CLEC17A: variants seen among roughly 807,000 people sequenced by gnomAD.
The protein encoded by CLEC17A is C-type lectin domain containing 17A.
Under a neutral mutation model 61.3 loss-of-function variants are expected in CLEC17A, and 37 were observed. The observed-to-expected ratio is 0.60, with a 90% confidence interval of 0.46 to 0.79. CLEC17A has a LOEUF of 0.79. CLEC17A is among the 30% of genes least tolerant of loss of function. The pLI, the probability that CLEC17A is intolerant of heterozygous loss-of-function variation, is 0.00. For missense variants in CLEC17A, 418 were observed against 464.7 expected (o/e 0.90, Z 0.92); for synonymous variants, 168 against 164.9 (o/e 1.02, Z -0.14).
upstream of CLEC17A, chr19:14,582,965 A>ATGTGTGTG (rs35999236): frequency 3.6e-6 from 2 of 551,990 alleles, no homozygotes; most frequent in South Asian, 2.1e-5. Context: ...CTCTGTGTGT[A>ATGTGTGTG]TGTGTGTGTG....
At chr19:14,585,231 G>A (rs1170402661) in intron 2 of CLEC17A, among the ~76,000 whole-genome samples, 2 of 152,240 alleles carry the variant, frequency 1.3e-5, no homozygotes, top group African/African-American at 2.4e-5. Flanking sequence ...CTGAAGTGGT[G>A]CAATCATAGC....
chr19:14,595,119 G>A (rs867863262), intron 7 of CLEC17A, among the ~76,000 whole-genome samples, 155 bp from the exon 8 acceptor site: 3 of 152,124 alleles, frequency 2.0e-5, no homozygotes, highest in Non-Finnish European at 2.9e-5. Context: ...TGATCCACCC[G>A]CCTCAGCCTC....
At chr19:14,608,981 G>T (rs561391526) in intron 13 of CLEC17A, among the ~76,000 whole-genome samples, 7 of 151,888 alleles carry the variant, frequency 4.6e-5, no homozygotes, top group African/African-American at 7.3e-5. Flanking sequence ...TGTAGTTTTA[G>T]TAGAGACGGG....
In CLEC17A at chr19:14,607,021, C is replaced by A; in HGVS notation, c.923C>A (p.Pro308Gln). The A allele has an allele frequency of 1.5e-6, 2 of 1,317,144 alleles. No individual in the cohort carries two copies. Among genetic ancestry groups the A allele is most frequent in the South Asian group, 2.1e-5 (1 of 47,204 alleles). 81.6% of individuals were successfully genotyped at this position (1,317,144 alleles called of 1,614,324 possible). A position where few individuals can be genotyped will look rare whatever the true frequency, so the allele number is the denominator to read the frequency against. The change falls in exon 13 of 14, where the codon CCA becomes CAA. Residue 308 changes from proline (P) to glutamine (Q), a missense_variant. Physicochemically the swap from Pro to Gln is moderately conservative, Grantham distance 76 (BLOSUM62 -1). Coordinates refer to ENST00000417570, the MANE Select transcript of CLEC17A (RefSeq NM_001204118.2). ...TTTGTGGCCAAGGCCCATGGCTCTC[C>A]ACGGGTGTACTGGCTGGGGCTGAAT... Reference protein sequence around the residue: ...HNFVAKAHGSPRVYWLGLNDR... With the variant: ...HNFVAKAHGSQRVYWLGLNDR...
chr19:14,606,778 G>A (rs10406981), intron 12 of CLEC17A, among the ~76,000 whole-genome samples: 150,404 of 152,152 alleles, frequency 0.99, 74,339 homozygotes, highest in Middle Eastern at 1. Context: ...GGAGCAGTTC[G>A]CAGATTGCAT....
upstream of CLEC17A, among the ~76,000 whole-genome samples, chr19:14,581,965 GT>G (rs142813308): frequency 0.061 from 9,288 of 152,128 alleles, 923 homozygotes; most frequent in African/African-American, 0.21. Flanking sequence ...TTATTTTATA[GT>G]TCTGGAGTCA....
chr19:14,599,046 C>A (rs1482227420), intron 10 of CLEC17A, among the ~76,000 whole-genome samples: 1 of 151,106 alleles, frequency 6.6e-6, no homozygotes, highest in East Asian at 1.9e-4. Flanking sequence ...GGCTTTGCCG[C>A]CTCACCACAA....
Position 14,594,754 on chromosome 19 carries a change from T to A in CLEC17A, c.362-5T>A, listed in dbSNP as rs1328355188. On this transcript the variant is annotated splice_polypyrimidine_tract_variant and splice_region_variant and intron_variant, in intron 6 of 13. Transcript: ENST00000417570. ...TTCTTGAAATGACTTTCTCATCTCT[T>A]CTAGGCCTGGACCTCGCCGCTGTCA... 1 of 1,613,896 alleles carries A rather than the reference T, an allele frequency of 6.2e-7. No homozygotes were observed. The highest frequency in any genetic ancestry group is 2.2e-5 in the East Asian group (1 of 44,906).
chr19:14,593,741 A>G (rs2074477725), intron 4 of CLEC17A, among the ~76,000 whole-genome samples: 1 of 151,826 alleles, frequency 6.6e-6, no homozygotes, highest in African/African-American at 2.4e-5. Flanking sequence ...CGGGTGGATC[A>G]CGAGGTCAGG....
intron 3 of CLEC17A, among the ~76,000 whole-genome samples, chr19:14,588,165 C>T (rs10425630): frequency 0.53 from 79,820 of 151,422 alleles, 23,161 homozygotes; most frequent in African/African-American, 0.78. Flanking sequence ...GGTACAGGGT[C>T]CAACAGGAGA....
chr19:14,582,077 C>G (rs2074188378), upstream of CLEC17A, among the ~76,000 whole-genome samples: 1 of 152,218 alleles, frequency 6.6e-6, no homozygotes, highest in African/African-American at 2.4e-5. Flanking sequence ...CTTGCTGTTT[C>G]CAGCCTCTGC....
intron 3 of CLEC17A, among the ~76,000 whole-genome samples, chr19:14,588,203 T>A (rs2074331977): frequency 1.3e-5 from 2 of 151,550 alleles, no homozygotes; most frequent in East Asian, 3.9e-4. Context: ...AAGTGGAGGT[T>A]TGGGCCAGCT....
At chr19:14,599,340 G>C (rs1042203501) in intron 10 of CLEC17A, among the ~76,000 whole-genome samples, 1 of 151,812 alleles carries the variant, frequency 6.6e-6, no homozygotes, top group Non-Finnish European at 1.5e-5. Context: ...CGCCCACCTC[G>C]GCCTCCCAAA....
intron 3 of CLEC17A, among the ~76,000 whole-genome samples, chr19:14,590,992 C>T (rs1401476993): frequency 6.6e-6 from 1 of 151,848 alleles, no homozygotes; most frequent in Non-Finnish European, 1.5e-5. Context: ...GCCACTGCGC[C>T]CAGCCTATTT....
chr19:14,603,284 T>A (rs553018048), intron 12 of CLEC17A, among the ~76,000 whole-genome samples: 1 of 152,288 alleles, frequency 6.6e-6, no homozygotes, highest in South Asian at 2.1e-4. Context: ...CATCGGGTCT[T>A]TGCTGTCTTT....
chr19:14,594,347 AC>A lies in CLEC17A; in HGVS notation c.278-167del. On this transcript the variant is annotated intron_variant, in intron 4 of 13. Coordinates refer to ENST00000417570, the MANE Select transcript of CLEC17A (RefSeq NM_001204118.2). ...CCCAGGCAATCTAGGTTCGTTGGTC[AC>A]CCTACTTAATCCCATCTCCATCCCT... is the stretch of plus-strand genomic sequence containing the variant. 3 of 704,980 alleles carry A rather than the reference AC, an allele frequency of 4.3e-6. No individual in the cohort carries two copies. In the South Asian group the frequency reaches 5.5e-5, roughly 13 times the overall value. 43.7% of individuals were successfully genotyped at this position (704,980 alleles called of 1,614,324 possible).
At chr19:14,603,144 C>T (rs899358067) in intron 12 of CLEC17A, among the ~76,000 whole-genome samples, 14 of 152,196 alleles carry the variant, frequency 9.2e-5, no homozygotes, top group African/African-American at 3.1e-4. Flanking sequence ...CTTTAAATTA[C>T]TCATTTTAGT....
intron 2 of CLEC17A, among the ~76,000 whole-genome samples, chr19:14,586,668 C>G (rs1163218878): frequency 1.3e-5 from 2 of 152,126 alleles, no homozygotes; most frequent in Non-Finnish European, 1.5e-5. Context: ...CTCAAGCGAT[C>G]CTCCTGCCTT....
intron 10 of CLEC17A, 56 bp from the exon 11 acceptor site, chr19:14,599,661 T>C (rs2074654680): frequency 1.6e-6 from 2 of 1,255,322 alleles, no homozygotes; most frequent in East Asian, 4.7e-5. Flanking sequence ...CAGTCCGTGG[T>C]GGATGGGTAG....
Sources: allele counts gnomAD v4.1 joint callset (sites outside exome capture counted in the v4.1 genomes callset), GRCh38; gene constraint gnomAD v4.1.1; transcripts MANE v1.5; gene names NCBI Gene and HGNC (gene_info 2026-07-23, HGNC 2026-07-21).